Variants in MAP4K5 observed in about 807,000 individuals in gnomAD.
MAP4K5 encodes MAPK/ERK kinase kinase kinase 5.
In MAP4K5, 82 loss-of-function variants were observed where a neutral mutation model predicts 135.6. The ratio of observed to expected loss-of-function variants is 0.60; its 90% CI spans 0.51 to 0.73. MAP4K5 has a LOEUF of 0.73. Ranked by LOEUF, MAP4K5 falls within the 30% of genes least tolerant of loss-of-function variation. The pLI is 0.00. For missense variants in MAP4K5, 907 were observed against 1,010.9 expected (o/e 0.90, Z 1.39); for synonymous variants, 347 against 335.0 (o/e 1.04, Z -0.39).
At chr14:50,504,033 T>C (rs2037760225) in intron 3 of MAP4K5, among the ~76,000 whole-genome samples, 1 of 152,100 alleles carries the variant, frequency 6.6e-6, no homozygotes, top group African/African-American at 2.4e-5. Flanking sequence ...TCTGAAAGCT[T>C]ATTTTTAAAG....
chr14:50,463,123 T>C (rs994102493), intron 12 of MAP4K5, among the ~76,000 whole-genome samples: 8 of 152,196 alleles, frequency 5.3e-5, no homozygotes, highest in Middle Eastern at 3.2e-3. Flanking sequence ...TGTGGTATGG[T>C]ACATAATCAC....
chr14:50,466,987 T>C (rs1235858970), intron 10 of MAP4K5, among the ~76,000 whole-genome samples: 1 of 152,178 alleles, frequency 6.6e-6, no homozygotes, highest in African/African-American at 2.4e-5. Flanking sequence ...TACATAGAGA[T>C]GACATGTTAC....
rs142227016 is a variant in MAP4K5, at chr14:50,420,411, G to A, written c.2454-305C>T. On this transcript the variant is annotated intron_variant, in intron 32 of 32. Transcript: ENST00000682126. ...TTTGGGAGTCTGAGGCAGGGGGATC[G>A]CTTGAGCCCAGGAGTTTGAGACCAG... 2.4e-3 allele frequency among the ~76,000 whole-genome samples: 361 copies of A among 151,932 alleles called. 1 individual carries two copies. Among genetic ancestry groups the A allele is most frequent in the African/African-American group, 7.9e-3 (329 of 41,440 alleles).
At chr14:50,423,280 G>T (rs2035773503) in intron 31 of MAP4K5, 104 bp from the exon 32 acceptor site, 3 of 519,262 alleles carry the variant, frequency 5.8e-6, no homozygotes, top group East Asian at 3.0e-5. Context: ...AATATTTTTT[G>T]GTAGACTTAA....
chr14:50,481,305 T>A (rs115577206), intron 6 of MAP4K5, among the ~76,000 whole-genome samples: 5,084 of 149,974 alleles, frequency 0.034, 280 homozygotes, highest in African/African-American at 0.12. Flanking sequence ...TATATATATA[T>A]AAATATATAT....
At chr14:50,470,653 T>TACAC (rs59377868) in intron 9 of MAP4K5, among the ~76,000 whole-genome samples, 153 of 149,214 alleles carry the variant, frequency 1.0e-3, no homozygotes, top group African/African-American at 3.5e-3. Flanking sequence ...CATCCATTTT[T>TACAC]ACACACACAC....
chr14:50,463,332 A>C (rs2036753758), intron 12 of MAP4K5, among the ~76,000 whole-genome samples: 1 of 152,224 alleles, frequency 6.6e-6, no homozygotes, highest in South Asian at 2.1e-4. Context: ...ACATTAGAAG[A>C]CAAGAAAAGC....
chr14:50,487,066 G>C (rs2037378032), intron 3 of MAP4K5, among the ~76,000 whole-genome samples: 1 of 152,140 alleles, frequency 6.6e-6, no homozygotes. Flanking sequence ...AACCAAAACA[G>C]AGCTTTAAAT....
intron 17 of MAP4K5, 133 bp from the exon 18 acceptor site, chr14:50,445,327 G>A (rs2036321365): frequency 1.6e-6 from 1 of 637,306 alleles, no homozygotes; most frequent in East Asian, 3.0e-5. Context: ...AAAGTAAGAG[G>A]TGAGTTACTG....
At chr14:50,543,218 A>G (rs1021000714) in intron 1 of MAP4K5, among the ~76,000 whole-genome samples, 1 of 152,234 alleles carries the variant, frequency 6.6e-6, no homozygotes, top group Non-Finnish European at 1.5e-5. Flanking sequence ...CTTGCCAAGG[A>G]TAATTCAGTT....
At chr14:50,527,544 A>G (rs1270166256) in intron 2 of MAP4K5, among the ~76,000 whole-genome samples, 2 of 152,148 alleles carry the variant, frequency 1.3e-5, no homozygotes, top group African/African-American at 4.8e-5. Flanking sequence ...TTTTGGAAAT[A>G]CTGATTTAAA....
chr14:50,466,502 AATCATCTGCAAAATATGG>A (rs1160781170), intron 11 of MAP4K5, 63 bp downstream of exon 11: 1 of 683,310 alleles, frequency 1.5e-6, no homozygotes, highest in Non-Finnish European at 2.5e-6. Context: ...ACTTCTGTTT[AATCATCTGCAAAATATGG>A]GAACTGAATC....
chr14:50,439,112 G>A lies in MAP4K5; in HGVS notation c.1705+901C>T, dbSNP rs1324808650. ...AAAATATATTAAATATTCTTTTGAG[G>A]ACTCCAGCTTTTTAGAAGCCATTTA... On this transcript the variant is annotated intron_variant, in intron 23 of 32. Transcript: ENST00000682126. Among the ~76,000 whole-genome samples, 6 of 151,636 alleles carry A rather than the reference G, an allele frequency of 4.0e-5. No individual in the cohort carries two copies. The East Asian group carries it at 1.2e-3, about 29-fold the overall frequency.
At chr14:50,451,660 A>G (rs1009989817) in intron 14 of MAP4K5, among the ~76,000 whole-genome samples, 1 of 152,010 alleles carries the variant, frequency 6.6e-6, no homozygotes, top group Non-Finnish European at 1.5e-5. Flanking sequence ...CAGATATGTT[A>G]CAGGTTTTTT....
At chr14:50,438,299 ATTG>A (rs1193517297) in intron 23 of MAP4K5, 1 of 331,044 alleles carries the variant, frequency 3.0e-6, no homozygotes, top group Non-Finnish European at 5.7e-6. Context: ...ACAAAAAGAA[ATTG>A]TTGTACAAAA....
intron 1 of MAP4K5, among the ~76,000 whole-genome samples, chr14:50,555,533 C>A (rs139308622): frequency 0.014 from 2,135 of 152,310 alleles, 41 homozygotes; most frequent in African/African-American, 0.049. Flanking sequence ...ATCTGCCCGC[C>A]TTGGCCTCTC....
At chr14:50,431,134 G>C (rs889859817) in intron 28 of MAP4K5, among the ~76,000 whole-genome samples, 2 of 152,054 alleles carry the variant, frequency 1.3e-5, no homozygotes, top group African/African-American at 4.8e-5. Flanking sequence ...ATATTTCATT[G>C]CACTGATTTA....
At chr14:50,465,028 A>T (rs759051576) in intron 11 of MAP4K5, among the ~76,000 whole-genome samples, 9 of 152,238 alleles carry the variant, frequency 5.9e-5, no homozygotes, top group Non-Finnish European at 1.2e-4. Context: ...TTAGAGCAAC[A>T]GGGAAAAGGA....
intron 1 of MAP4K5, chr14:50,560,151 T>G (rs1348523966): frequency 1.6e-6 from 2 of 1,272,558 alleles, no homozygotes; most frequent in African/African-American, 2.9e-5. Context: ...CCTCAGAGTC[T>G]GAGCGAACTG....
Sources: allele counts gnomAD v4.1 joint callset (sites outside exome capture counted in the v4.1 genomes callset), GRCh38; gene constraint gnomAD v4.1.1; transcripts MANE v1.5; gene names NCBI Gene and HGNC (gene_info 2026-07-23, HGNC 2026-07-21).